Variants in HDAC9 observed in about 807,000 individuals in gnomAD.
The protein encoded by HDAC9 is histone deacetylase 9.
A neutral mutation model predicts 139.4 loss-of-function variants in HDAC9; 41 were observed. The ratio of observed to expected loss-of-function variants is 0.29; its 90% CI spans 0.23 to 0.38. HDAC9 has a LOEUF of 0.38. Ranked by LOEUF, HDAC9 falls within the 10% of genes least tolerant of loss-of-function variation. The pLI is 1.00. For synonymous variants in HDAC9, 517 were observed against 476.2 expected (o/e 1.09, Z -1.12); for missense variants, 1,147 against 1,297.0 (o/e 0.88, Z 1.78).
At chr7:18,975,655 C>A in intron 24 of HDAC9, 151 bp from the exon 25 acceptor site, 2 of 695,164 alleles carry the variant, frequency 2.9e-6, no homozygotes, top group African/African-American at 1.8e-5. Flanking sequence ...AGAAAAAGAC[C>A]CAATCATAAC....
At chr7:18,602,632 G>T (rs1284527724) in intron 6 of HDAC9, among the ~76,000 whole-genome samples, 2 of 151,678 alleles carry the variant, frequency 1.3e-5, no homozygotes, top group Non-Finnish European at 2.9e-5. Flanking sequence ...CACAGATTTT[G>T]ATAAGTTGTA....
intron 22 of HDAC9, among the ~76,000 whole-genome samples, chr7:18,897,564 CAT>C (rs1198060161): frequency 6.6e-6 from 1 of 151,810 alleles, no homozygotes; most frequent in Non-Finnish European, 1.5e-5. Context: ...ATCTAATAAT[CAT>C]ATTTGTAGGT....
chr7:18,185,680 C>A (rs1789852924), intron 2 of HDAC9, among the ~76,000 whole-genome samples: 1 of 152,014 alleles, frequency 6.6e-6, no homozygotes, highest in Admixed American at 6.5e-5. Context: ...ATTATTAAAT[C>A]TCAGCTATGG....
chr7:18,301,357 A>C (rs1029613739), intron 1 of HDAC9, among the ~76,000 whole-genome samples: 10 of 152,274 alleles, frequency 6.6e-5, no homozygotes, highest in Admixed American at 1.3e-4. Context: ...ATTTTATGAT[A>C]GAGCAGGACA....
chr7:18,937,252 C>A (rs961123617), intron 23 of HDAC9, among the ~76,000 whole-genome samples: 11 of 151,852 alleles, frequency 7.2e-5, no homozygotes, highest in African/African-American at 2.2e-4. Flanking sequence ...GTTGGCTAGG[C>A]TGGTCTCGAA....
At chr7:18,472,071 A>G (rs1794769628) in intron 1 of HDAC9, among the ~76,000 whole-genome samples, 1 of 152,178 alleles carries the variant, frequency 6.6e-6, no homozygotes, top group Admixed American at 6.5e-5. Flanking sequence ...TCTAATTGTT[A>G]CAGACTTCCT....
intron 2 of HDAC9, among the ~76,000 whole-genome samples, chr7:18,230,046 T>C (rs1400161588): frequency 6.6e-6 from 1 of 152,194 alleles, no homozygotes; most frequent in East Asian, 1.9e-4. Flanking sequence ...GTTTAGTGTT[T>C]ATAAGATTTA....
chr7:18,949,095 G>T (rs1359298203), intron 23 of HDAC9: 11 of 327,550 alleles, frequency 3.4e-5, no homozygotes, highest in Non-Finnish European at 5.9e-5. Flanking sequence ...TTTTTTTTCT[G>T]TTTTTTGAAG....
intron 1 of HDAC9, among the ~76,000 whole-genome samples, chr7:18,315,939 A>G (rs530236685): frequency 6.6e-6 from 1 of 152,344 alleles, no homozygotes; most frequent in Admixed American, 6.5e-5. Flanking sequence ...GTGACTTCGG[A>G]AAGTTACTAC....
chr7:18,611,387 A>AAT (rs1249991920), intron 6 of HDAC9, among the ~76,000 whole-genome samples: 1 of 152,162 alleles, frequency 6.6e-6, no homozygotes, highest in Non-Finnish European at 1.5e-5. Context: ...TATATAGTAG[A>AAT]ATAGATAACT....
At chr7:18,117,183 C>T (rs569082117) in intron 1 of HDAC9, among the ~76,000 whole-genome samples, 20 of 152,054 alleles carry the variant, frequency 1.3e-4, no homozygotes, top group African/African-American at 4.8e-4. Context: ...AGGTCTTTGC[C>T]GATGTAATGA....
At chr7:18,859,373 C>T (rs1463569011) in intron 21 of HDAC9, among the ~76,000 whole-genome samples, 1 of 152,026 alleles carries the variant, frequency 6.6e-6, no homozygotes, top group Non-Finnish European at 1.5e-5. Flanking sequence ...ACTCCTAGAT[C>T]TTGGGCTGAT....
chr7:18,982,178 C>A (rs1784997031), intron 25 of HDAC9, among the ~76,000 whole-genome samples: 1 of 152,074 alleles, frequency 6.6e-6, no homozygotes, highest in Non-Finnish European at 1.5e-5. Flanking sequence ...ACACTCAGTC[C>A]AAAGTATCAT....
intron 2 of HDAC9, among the ~76,000 whole-genome samples, chr7:18,249,502 C>CAAAAAA (rs3058733): frequency 1.9e-4 from 11 of 58,574 alleles, no homozygotes; most frequent in Admixed American, 5.3e-4. Flanking sequence ...GACTCTGTCT[C>CAAAAAA]AAAAAAAAAA....
chr7:18,860,030 A>T (rs12699997), intron 21 of HDAC9, among the ~76,000 whole-genome samples: 1,746 of 151,794 alleles, frequency 0.012, 13 homozygotes, highest in African/African-American at 0.014. Flanking sequence ...TGCTGCTCAT[A>T]GGGTAATGGG....
At chr7:18,874,217 A>C (rs536726407) in intron 21 of HDAC9, among the ~76,000 whole-genome samples, 1 of 150,436 alleles carries the variant, frequency 6.6e-6, no homozygotes, top group South Asian at 2.2e-4. Flanking sequence ...TGGGCTTTAG[A>C]ATGTACCTGC....
At chr7:18,306,447 G>A (rs1343989253) in intron 1 of HDAC9, among the ~76,000 whole-genome samples, 1 of 152,174 alleles carries the variant, frequency 6.6e-6, no homozygotes, top group Non-Finnish European at 1.5e-5. Context: ...TTTTACCCAT[G>A]CTCCAGAAAT....
intron 22 of HDAC9, among the ~76,000 whole-genome samples, chr7:18,890,050 G>C (rs962497380): frequency 2.0e-4 from 30 of 152,260 alleles, no homozygotes; most frequent in African/African-American, 7.2e-4. Context: ...TTCCCTTTTA[G>C]TGGGCCTTAA....
intron 1 of HDAC9, among the ~76,000 whole-genome samples, chr7:18,307,707 A>G (rs1055217553): frequency 2.6e-5 from 4 of 152,068 alleles, no homozygotes; most frequent in African/African-American, 9.7e-5. Context: ...GGAGGCTGAG[A>G]CAGGAGAATC....
Sources: allele counts gnomAD v4.1 joint callset (sites outside exome capture counted in the v4.1 genomes callset), GRCh38; gene constraint gnomAD v4.1.1; transcripts MANE v1.5; gene names NCBI Gene and HGNC (gene_info 2026-07-23, HGNC 2026-07-21).